The following IL10RB variants were observed in gnomAD, a reference collection of about 807,000 sequenced individuals.
IL10RB encodes the protein interleukin-10 receptor subunit beta.
In IL10RB, 30 loss-of-function variants were observed where a neutral mutation model predicts 38.7. That is an observed-to-expected ratio of 0.78 (90% CI 0.58 to 1.05). The LOEUF (loss-of-function observed/expected upper bound fraction) is 1.05. Among genes scored for constraint, IL10RB ranks in the 50% least tolerant of loss-of-function variants. IL10RB has a pLI of 0.00. For synonymous variants in IL10RB, 142 were observed against 145.9 expected (o/e 0.97, Z 0.19); for missense variants, 328 against 397.1 (o/e 0.83, Z 1.48).
chr21:33,297,656 A>T (rs1339308984), downstream of IL10RB, among the ~76,000 whole-genome samples: 1 of 151,932 alleles, frequency 6.6e-6, no homozygotes, highest in Non-Finnish European at 1.5e-5. Flanking sequence ...TTCTCTACAA[A>T]AAGTTTTAAA....
In IL10RB at chr21:33,266,444, G is replaced by T; in HGVS notation, c.-22G>T. On this transcript the variant is annotated 5_prime_UTR_variant, in exon 1 of 7. Transcript: ENST00000290200. ...GGGGGTCGTGTGCTTGGAGGAAGCC[G>T]CGGAACCCCCAGCGTCCGTCCATGG... 6.5e-7 allele frequency: 1 copy of T among 1,540,396 alleles called. No homozygotes were observed.
rs749393922 is a variant in IL10RB at position 33,268,404 on chromosome 21, G to A, written c.60G>A (p.Met20Ile). Residue 20 changes from methionine (M) to isoleucine (I), a missense_variant, in exon 2 of 7, where the codon ATG becomes ATA. Transcript: ENST00000290200. ...GTCTTATTTTCATAGCATTGGGAAT[G>A]GTACCACCTCCCGAAAATGTCAGAA... ...GGCLLVSALG[M>I]VPPPENVRMN... is the part of the protein sequence containing the mutation. The A allele has an allele frequency of 1.9e-6, 3 of 1,613,630 alleles. No homozygotes were observed. The highest frequency in any genetic ancestry group is 1.1e-5 in the South Asian group (1 of 91,080).
intron 4 of IL10RB, among the ~76,000 whole-genome samples, chr21:33,282,816 C>T (rs924914581): frequency 1.3e-5 from 2 of 152,174 alleles, no homozygotes; most frequent in African/African-American, 2.4e-5. Context: ...CACGAGCCAA[C>T]ACACCCGGCC....
chr21:33,275,032 C>T lies in IL10RB; in HGVS notation c.174-1564C>T, dbSNP rs370802077. 2.2e-4 allele frequency among the ~76,000 whole-genome samples: 34 copies of T among 152,176 alleles called. No individual in the cohort carries two copies. In the South Asian group the frequency reaches 7.0e-3, roughly 32 times the overall value. ...TTTAGCTAGATTTTAGCTAGATCTT[C>T]TGGATAACTTGCTGCAGCTTCTACA... On this transcript the variant is annotated intron_variant, in intron 2 of 6. Coordinates refer to ENST00000290200, the MANE Select transcript of IL10RB (RefSeq NM_000628.5).
intron 4 of IL10RB, among the ~76,000 whole-genome samples, chr21:33,281,361 G>A (rs2243498): frequency 0.48 from 72,964 of 152,096 alleles, 18,221 homozygotes; most frequent in African/African-American, 0.62. Context: ...GTTTTACAGT[G>A]AGCAGGGTCA....
chr21:33,306,700 A>T (rs1464991281), intron 1 of IL10RB, among the ~76,000 whole-genome samples: 1 of 151,598 alleles, frequency 6.6e-6, no homozygotes, highest in Non-Finnish European at 1.5e-5. Context: ...TGCCCAGATA[A>T]TTTTTTTTAC....
rs1453619780 is a variant in IL10RB, at chr21:33,283,056, C to T, written c.499-38C>T. ...AAAAAAAAAAGGTGGTGCCCTTCCA[C>T]TGCTTAGTCATGTTCTTATTTTTGT... On this transcript the variant is annotated intron_variant, in intron 4 of 6. Coordinates refer to ENST00000290200, the MANE Select transcript of IL10RB (RefSeq NM_000628.5). 1.9e-6 allele frequency: 3 copies of T among 1,564,068 alleles called. No individual in the cohort carries two copies. The South Asian group carries it at 3.3e-5, about 17-fold the overall frequency.
intron 3 of IL10RB, among the ~76,000 whole-genome samples, chr21:33,278,755 A>C (rs1250761905): frequency 6.6e-6 from 1 of 152,252 alleles, no homozygotes. Flanking sequence ...TCCAGGCATC[A>C]TGCATAACCT....
At chr21:33,295,161 C>G (rs8178558) in intron 6 of IL10RB, among the ~76,000 whole-genome samples, 1 of 151,764 alleles carries the variant, frequency 6.6e-6, no homozygotes, top group Non-Finnish European at 1.5e-5. Context: ...GTCAGGAGAT[C>G]GAGACCATCC....
chr21:33,303,092 C>G (rs1473164107), intron 1 of IL10RB, among the ~76,000 whole-genome samples: 1 of 152,170 alleles, frequency 6.6e-6, no homozygotes, highest in Non-Finnish European at 1.5e-5. Context: ...CCTCCTTATT[C>G]TCAGGGAGTA....
intron 1 of IL10RB, 62 bp downstream of exon 1, chr21:33,266,576 C>T: frequency 7.4e-6 from 11 of 1,486,980 alleles, no homozygotes; most frequent in South Asian, 7.3e-5. Flanking sequence ...GATGCCGCCC[C>T]TGATCCCATC....
At chr21:33,294,390 C>T (rs73191832) in intron 6 of IL10RB, among the ~76,000 whole-genome samples, 56 of 148,916 alleles carry the variant, frequency 3.8e-4, no homozygotes, top group East Asian at 1.8e-3. Context: ...TGTGTGTGTG[C>T]GTGTGTGTGT....
At chr21:33,267,804 C>A (rs1044246755) in intron 1 of IL10RB, 1 of 163,948 alleles carries the variant, frequency 6.1e-6, no homozygotes, top group African/African-American at 2.4e-5. Flanking sequence ...GCGCGAGCCA[C>A]CATGCCTGGC....
At chr21:33,302,542 G>A (rs1016553596) in intron 1 of IL10RB, among the ~76,000 whole-genome samples, 2 of 152,232 alleles carry the variant, frequency 1.3e-5, no homozygotes, top group African/African-American at 4.8e-5. Flanking sequence ...CTTCCAGAGT[G>A]TGTTTCCAGG....
chr21:33,286,878 ATG>A (rs1274609476), intron 5 of IL10RB, among the ~76,000 whole-genome samples: 1 of 152,146 alleles, frequency 6.6e-6, no homozygotes, highest in Non-Finnish European at 1.5e-5. Flanking sequence ...TAAAAGGAGA[ATG>A]AGGGAGTAGA....
intron 1 of IL10RB, among the ~76,000 whole-genome samples, chr21:33,304,084 G>A (rs1282124263): frequency 6.6e-6 from 1 of 152,210 alleles, no homozygotes; most frequent in Non-Finnish European, 1.5e-5. Flanking sequence ...AAAGCTGCAA[G>A]GTGCCCAGCT....
chr21:33,284,416 T>C (rs1989337651), intron 5 of IL10RB, among the ~76,000 whole-genome samples: 1 of 152,156 alleles, frequency 6.6e-6, no homozygotes, highest in Non-Finnish European at 1.5e-5. Context: ...ATTGAAAACC[T>C]GCTTTCATCA....
intron 6 of IL10RB, chr21:33,294,144 C>T (rs906090650): frequency 1.5e-5 from 7 of 453,332 alleles, no homozygotes; most frequent in Admixed American, 5.0e-5. Context: ...TCTGAGAAAT[C>T]AGAGATGGGA....
At chr21:33,274,418 C>G (rs1269992135) in intron 2 of IL10RB, among the ~76,000 whole-genome samples, 1 of 152,144 alleles carries the variant, frequency 6.6e-6, no homozygotes, top group Non-Finnish European at 1.5e-5. Flanking sequence ...AAGTGATTTG[C>G]CCGCCTTGGC....
Sources: allele counts gnomAD v4.1 joint callset (sites outside exome capture counted in the v4.1 genomes callset), GRCh38; gene constraint gnomAD v4.1.1; transcripts MANE v1.5; gene names NCBI Gene and HGNC (gene_info 2026-07-23, HGNC 2026-07-21).